The following TRIP13 variants were observed in gnomAD, a reference collection of about 807,000 sequenced individuals.
TRIP13 encodes thyroid hormone receptor interactor 13, also known as pachytene checkpoint protein 2 homolog.
A neutral mutation model predicts 54.4 loss-of-function variants in TRIP13; 25 were observed. That is an observed-to-expected ratio of 0.46 (90% CI 0.33 to 0.64). TRIP13 has a LOEUF of 0.64. TRIP13 is among the 30% of genes least tolerant of loss of function. The probability of loss-of-function intolerance (pLI) is 0.02; values close to 1 mark genes in which losing one functional copy is unlikely to be tolerated. For missense variants in TRIP13, 373 were observed against 534.2 expected (o/e 0.70, Z 2.97); for synonymous variants, 207 against 207.8 (o/e 1.00, Z 0.03).
Position 908,345 on chromosome 5 carries a change from C to T in TRIP13, c.760-10C>T. 4 of 1,609,976 alleles carry T rather than the reference C, an allele frequency of 2.5e-6. No individual in the cohort carries two copies. The highest frequency in any genetic ancestry group is 3.4e-6 in the Non-Finnish European group (4 of 1,179,992). On this transcript the variant is annotated splice_polypyrimidine_tract_variant and intron_variant, in intron 8 of 12. Coordinates refer to ENST00000166345, the MANE Select transcript of TRIP13 (RefSeq NM_004237.4). This position sits in a 1 kb window ranked among gnomAD's most constrained non-coding sequence, Gnocchi z 5.2. ...CTGTCCTTTTTGACCCCACTGCTCC[C>T]TCCCAACAGGTGGAGAGTCTCACAG...
At position 917,911 on chromosome 5, in the gene TRIP13, G is replaced by A. The variant is rs899139523; in HGVS notation, c.*808G>A. 2 of 152,068 alleles carry A rather than the reference G, an allele frequency of 1.3e-5. No individual in the cohort carries two copies. Among genetic ancestry groups the A allele is most frequent in the Admixed American group, 6.6e-5 (1 of 15,264 alleles). The allele number at this position is 152,068 out of a possible 1,614,324, so 9.4% of individuals were successfully genotyped here. The stretch of plus-strand genomic sequence containing the variant: ...AGGTCAGTTACTGGTCTCTTTCTCC[G>A]AATGTTATGTTTTGCTTTTATCTCA... On this transcript the variant is annotated 3_prime_UTR_variant, in exon 13 of 13. Coordinates refer to ENST00000166345, the MANE Select transcript of TRIP13 (RefSeq NM_004237.4).
chr5:916,876 C>CA lies in TRIP13; in HGVS notation c.1204-131dup, dbSNP rs1256929413. ...GTCCTGGACGTGTGTGGTGCGCACT[C>CA]ACTGCTCACCTTATCAGCTACCACC... On this transcript the variant is annotated intron_variant, in intron 12 of 12. Transcript: ENST00000166345. 4.6e-6 allele frequency: 3 copies of CA among 656,044 alleles called. No individual in the cohort carries two copies. In the African/African-American group the frequency reaches 5.6e-5, roughly 12 times the overall value. 40.6% of individuals were successfully genotyped at this position (656,044 alleles called of 1,614,324 possible).
At position 911,408 on chromosome 5, in the gene TRIP13, A is replaced by G. The variant is rs182813854; in HGVS notation, c.867-435A>G. On this transcript the variant is annotated intron_variant, in intron 9 of 12. Coordinates refer to ENST00000166345, the MANE Select transcript of TRIP13 (RefSeq NM_004237.4). The surrounding 1 kb of genome is among the most constrained non-coding windows in gnomAD (Gnocchi z 4.7). ...AACACGGTGAAACCCCGTCTCCACT[A>G]AAAATACAAAAAATTAGCCGGGCAC... Among the ~76,000 whole-genome samples, 798 of 152,226 alleles carry G rather than the reference A, an allele frequency of 5.2e-3. 5 individuals are homozygous for G. The highest frequency in any genetic ancestry group is 0.019 in the African/African-American group (777 of 41,548).
chr5:912,197 T>C lies in TRIP13; in HGVS notation c.1020+201T>C, dbSNP rs1754249709. ...TAGGGCCACTGACTCAATATTTTTG[T>C]TCTTTTGGCACAATACAGTCATCAT... On this transcript the variant is annotated intron_variant, in intron 10 of 12. Coordinates refer to ENST00000166345, the MANE Select transcript of TRIP13 (RefSeq NM_004237.4). The surrounding 1 kb of genome is among the most constrained non-coding windows in gnomAD (Gnocchi z 7.2). Among the ~76,000 whole-genome samples, 2 of 152,200 alleles carry C rather than the reference T, an allele frequency of 1.3e-5. No individual in the cohort carries two copies. Among genetic ancestry groups the C allele is most frequent in the South Asian group, 4.1e-4 (2 of 4,824 alleles).
In TRIP13 at chr5:908,638, T is replaced by G; in HGVS notation, c.866+177T>G. The G allele has an allele frequency of 7.0e-7, 1 of 1,434,962 alleles. No individual in the cohort carries two copies. The highest frequency in any genetic ancestry group is 9.1e-7 in the Non-Finnish European group (1 of 1,094,478). The allele number at this position is 1,434,962 out of a possible 1,614,324, so 88.9% of individuals were successfully genotyped here. The stretch of plus-strand genomic sequence containing the variant: ...GAAGCAGCATATCACAAATGCTTTT[T>G]AAAGAAATTGTTTTTAGTGTGTTAA... On this transcript the variant is annotated intron_variant, in intron 9 of 12. Coordinates refer to ENST00000166345, the MANE Select transcript of TRIP13 (RefSeq NM_004237.4). This position sits in a 1 kb window ranked among gnomAD's most constrained non-coding sequence, Gnocchi z 5.2.
At chr5:910,593 C>T (rs999998042) in intron 9 of TRIP13, among the ~76,000 whole-genome samples, 3 of 152,228 alleles carry the variant, frequency 2.0e-5, no homozygotes, top group African/African-American at 7.2e-5. Flanking sequence ...TGACTTCTCC[C>T]TGTCAGTCAC....
At chr5:904,276 G>T in intron 6 of TRIP13, 56 bp downstream of exon 6, 2 of 1,461,882 alleles carry the variant, frequency 1.4e-6, no homozygotes, top group Non-Finnish European at 1.9e-6. Context: ...TATAACGGGA[G>T]GTTGTTTTTT....
In TRIP13 at chr5:908,598, T is replaced by C; in HGVS notation, c.866+137T>C. On this transcript the variant is annotated intron_variant, in intron 9 of 12. Transcript: ENST00000166345. This position sits in a 1 kb window ranked among gnomAD's most constrained non-coding sequence, Gnocchi z 5.2. Reference sequence around the variant, plus strand: ...AGTGCATTTGGCATTGAGTATCGACTCCTTTTCCACATTGGAAGCAGCATA... The same window carrying C: ...AGTGCATTTGGCATTGAGTATCGACCCCTTTTCCACATTGGAAGCAGCATA... 6.7e-7 allele frequency: 1 copy of C among 1,489,340 alleles called. No homozygotes were observed. Among genetic ancestry groups the C allele is most frequent in the Non-Finnish European group, 8.9e-7 (1 of 1,118,038 alleles). 92.3% of individuals were successfully genotyped at this position (1,489,340 alleles called of 1,614,324 possible).
intron 6 of TRIP13, among the ~76,000 whole-genome samples, chr5:904,681 T>C (rs1286546438): frequency 6.6e-6 from 1 of 151,890 alleles, no homozygotes; most frequent in Non-Finnish European, 1.5e-5. Flanking sequence ...GCTTTTTCAT[T>C]TTTTTTTTCA....
chr5:911,754 C>A lies in TRIP13; in HGVS notation c.867-89C>A. 3 of 1,493,590 alleles carry A rather than the reference C, an allele frequency of 2.0e-6. No homozygotes were observed. Among genetic ancestry groups the A allele is most frequent in the Non-Finnish European group, 2.7e-6 (3 of 1,117,976 alleles). The allele number at this position is 1,493,590 out of a possible 1,614,324, so 92.5% of individuals were successfully genotyped here. A position where few individuals can be genotyped will look rare whatever the true frequency, so the allele number is the denominator to read the frequency against. ...CTGTTGGCAGCCTGCTGGCCATCGT[C>A]CTGCCAACCTCCTTGCCAGATAGGG... On this transcript the variant is annotated intron_variant, in intron 9 of 12. Coordinates refer to ENST00000166345, the MANE Select transcript of TRIP13 (RefSeq NM_004237.4). The surrounding 1 kb of genome is among the most constrained non-coding windows in gnomAD (Gnocchi z 4.7).
Position 911,722 on chromosome 5 carries a change from T to C in TRIP13, c.867-121T>C, listed in dbSNP as rs915736408. ...TGGCCTGTGTTGGCACAAGGCCACT[T>C]TCCTTCCTGTTGGCAGCCTGCTGGC... is the stretch of plus-strand genomic sequence containing the variant. On this transcript the variant is annotated intron_variant, in intron 9 of 12. Coordinates refer to ENST00000166345, the MANE Select transcript of TRIP13 (RefSeq NM_004237.4). This position sits in a 1 kb window ranked among gnomAD's most constrained non-coding sequence, Gnocchi z 4.7. The C allele has an allele frequency of 6.0e-6, 8 of 1,323,718 alleles. No homozygotes were observed. Among genetic ancestry groups the C allele is most frequent in the Non-Finnish European group, 8.1e-6 (8 of 988,844 alleles). 82.0% of individuals were successfully genotyped at this position (1,323,718 alleles called of 1,614,324 possible).
At position 907,031 on chromosome 5, in the gene TRIP13, T is replaced by C; in HGVS notation, c.609-99T>C. The C allele has an allele frequency of 1.1e-6, 1 of 911,538 alleles. No individual in the cohort carries two copies. The highest frequency in any genetic ancestry group is 1.4e-5 in the South Asian group (1 of 71,114). 56.5% of individuals were successfully genotyped at this position (911,538 alleles called of 1,614,324 possible). The stretch of plus-strand genomic sequence containing the variant: ...TCAGTAATTGTAATTCCCCCGATGC[T>C]GGGCACTTGAGATGTTGCATTCAGG... On this transcript the variant is annotated intron_variant, in intron 6 of 12. Coordinates refer to ENST00000166345, the MANE Select transcript of TRIP13 (RefSeq NM_004237.4). The surrounding 1 kb of genome is among the most constrained non-coding windows in gnomAD (Gnocchi z 4.1).
chr5:911,784 A>T lies in TRIP13; in HGVS notation c.867-59A>T. ...CAACCTCCTTGCCAGATAGGGCAGG[A>T]TAGAATTGGGTCACCGACAGCCGTG... is the stretch of plus-strand genomic sequence containing the variant. On this transcript the variant is annotated intron_variant, in intron 9 of 12. Transcript: ENST00000166345. The surrounding 1 kb of genome is among the most constrained non-coding windows in gnomAD (Gnocchi z 4.7). 6.4e-7 allele frequency: 1 copy of T among 1,562,956 alleles called. No individual in the cohort carries two copies. Among genetic ancestry groups the T allele is most frequent in the Non-Finnish European group, 8.7e-7 (1 of 1,154,140 alleles).
At position 907,192 on chromosome 5, in the gene TRIP13, A is replaced by C. The variant is rs1345252036; in HGVS notation, c.671A>C (p.Glu224Ala). 1.2e-6 allele frequency: 2 copies of C among 1,611,844 alleles called. No individual in the cohort carries two copies. The highest frequency in any genetic ancestry group is 1.7e-6 in the Non-Finnish European group (2 of 1,178,064). Residue 224 changes from glutamate to alanine, a missense_variant and splice_region_variant, in exon 7 of 13, where the codon GAA (glutamate) becomes GCA (alanine). Glu to Ala is a moderately radical substitution (Grantham distance 107, BLOSUM62 -1). Coordinates refer to ENST00000166345, the MANE Select transcript of TRIP13 (RefSeq NM_004237.4). The surrounding 1 kb of genome is among the most constrained non-coding windows in gnomAD (Gnocchi z 4.1). ...AGCCTCTTTTCTAAGTGGTTTTCGG[A>C]AGTAAGTATTAAATATTAATTCTAA... ...SHSLFSKWFS[E>A]SGKLVTKMFQ...
intron 4 of TRIP13, 88 bp from the exon 5 acceptor site, chr5:901,253 T>C: frequency 8.4e-7 from 1 of 1,195,992 alleles, no homozygotes; most frequent in East Asian, 2.4e-5. Context: ...TCTTCTCATG[T>C]AGGATTAAGC....
At chr5:897,046 C>T (rs978014886) in intron 3 of TRIP13, among the ~76,000 whole-genome samples, 4 of 152,252 alleles carry the variant, frequency 2.6e-5, no homozygotes, top group African/African-American at 9.6e-5. Flanking sequence ...GCTCTTCTCA[C>T]ATGCCTGCTT....
intron 5 of TRIP13, among the ~76,000 whole-genome samples, chr5:902,810 A>T (rs182207134): frequency 1.3e-5 from 2 of 152,308 alleles, no homozygotes; most frequent in East Asian, 3.9e-4. Context: ...ATCTCCACTG[A>T]TAGGTAAGGT....
At chr5:916,759 C>A (rs905047870) in intron 12 of TRIP13, among the ~76,000 whole-genome samples, 2 of 152,094 alleles carry the variant, frequency 1.3e-5, no homozygotes, top group Non-Finnish European at 2.9e-5. Context: ...CCCACCCCCG[C>A]AGCTGTTTCT....
chr5:910,193 A>G (rs1754201734), intron 9 of TRIP13, among the ~76,000 whole-genome samples: 1 of 152,152 alleles, frequency 6.6e-6, no homozygotes, highest in South Asian at 2.1e-4. Flanking sequence ...CATTCACATG[A>G]GTGTTCCCTT....
Sources: gnomAD v4.1 joint callset for allele counts (sites outside exome capture counted in the v4.1 genomes callset) on GRCh38, gnomAD v4.1.1 for gene constraint, Gnocchi (gnomAD v3.1) non-coding constraint, MANE v1.5 for transcripts, NCBI Gene and HGNC (gene_info 2026-07-23, HGNC 2026-07-21) for gene names.